The following ZDHHC2 variants were observed in gnomAD, a reference collection of about 807,000 sequenced individuals.
ZDHHC2 encodes the protein palmitoyltransferase ZDHHC2.
A neutral mutation model predicts 55.6 loss-of-function variants in ZDHHC2; 51 were observed. The ratio of observed to expected loss-of-function variants is 0.92; its 90% CI spans 0.73 to 1.16. The LOEUF (loss-of-function observed/expected upper bound fraction) is 1.16, where lower values mean the gene tolerates loss of function less well. Among genes scored for constraint, ZDHHC2 ranks in the 50% most tolerant of loss-of-function variants. The pLI is 0.00. For missense variants in ZDHHC2, 491 were observed against 442.4 expected (o/e 1.11, Z -0.99); for synonymous variants, 199 against 152.9 (o/e 1.30, Z -2.22).
chr8:17,177,097 G>T (rs1805176431), intron 1 of ZDHHC2, among the ~76,000 whole-genome samples: 1 of 152,160 alleles, frequency 6.6e-6, no homozygotes, highest in Non-Finnish European at 1.5e-5. Context: ...GCTTCAAGGG[G>T]TTCCCCTGGC....
chr8:17,190,349 G>C (rs961631082), intron 3 of ZDHHC2, among the ~76,000 whole-genome samples: 5 of 152,130 alleles, frequency 3.3e-5, no homozygotes, highest in African/African-American at 1.2e-4. Flanking sequence ...AGGGGAACAT[G>C]ATCAAAAGAG....
Position 17,156,657 on chromosome 8 carries a change from G to T in ZDHHC2, c.-67G>T. The T allele has an allele frequency of 8.6e-7, 1 of 1,158,238 alleles. No individual in the cohort carries two copies. Among genetic ancestry groups the T allele is most frequent in the Non-Finnish European group, 1.1e-6 (1 of 942,906 alleles). 71.7% of individuals were successfully genotyped at this position (1,158,238 alleles called of 1,614,324 possible). A position where few individuals can be genotyped will look rare whatever the true frequency, so the allele number is the denominator to read the frequency against. ...CCGTCCAGCCAGGGGTGCCGGGCCC[G>T]CCCAGCCCGCCCCGGAGCCAGGCCC... On this transcript the variant is annotated 5_prime_UTR_variant, in exon 1 of 13. Coordinates refer to ENST00000262096, the MANE Select transcript of ZDHHC2 (RefSeq NM_016353.5).
At chr8:17,206,097 G>A (rs951905939) in intron 7 of ZDHHC2, among the ~76,000 whole-genome samples, 1 of 152,122 alleles carries the variant, frequency 6.6e-6, no homozygotes. Context: ...ATAAACAAGT[G>A]TGCTTTCCAC....
intron 3 of ZDHHC2, among the ~76,000 whole-genome samples, chr8:17,188,014 T>G (rs1805805742): frequency 6.6e-6 from 1 of 152,232 alleles, no homozygotes; most frequent in Non-Finnish European, 1.5e-5. Context: ...TGAGATATTG[T>G]ATTCTTCTCC....
In ZDHHC2 at chr8:17,220,484, ATCT is replaced by A. The variant is rs1807874240; in HGVS notation, c.*267_*269del. On this transcript the variant is annotated 3_prime_UTR_variant, in exon 13 of 13. Transcript: ENST00000262096. ...TGGTTTATTAATCAACGGGGAAAAC[ATCT>A]TCTCCAAAAAACTTGGAATAAATCC... 6.6e-6 allele frequency: 1 copy of A among 152,224 alleles called. No individual in the cohort carries two copies. The highest frequency in any genetic ancestry group is 2.4e-5 in the African/African-American group (1 of 41,474). 9.4% of individuals were successfully genotyped at this position (152,224 alleles called of 1,614,324 possible).
intron 1 of ZDHHC2, among the ~76,000 whole-genome samples, chr8:17,166,104 C>T (rs1403087668): frequency 6.6e-6 from 1 of 152,130 alleles, no homozygotes; most frequent in East Asian, 1.9e-4. Flanking sequence ...CATGAGAATC[C>T]ACTGCAGGGT....
At position 17,206,911 on chromosome 8, in the gene ZDHHC2, A is replaced by G. The variant is rs534712900; in HGVS notation, c.598-1049A>G. Among the ~76,000 whole-genome samples the G allele has an allele frequency of 1.2e-4, 19 of 152,304 alleles. No homozygotes were observed. The East Asian group carries it at 2.1e-3, about 17-fold the overall frequency. On this transcript the variant is annotated intron_variant, in intron 7 of 12. Transcript: ENST00000262096. The stretch of plus-strand genomic sequence containing the variant: ...GTTATTGAATGCCTACTGTGTGCCA[A>G]TTCTATTGCTAAGCATAGAAAGACA...
At chr8:17,187,418 A>G (rs1489566643) in intron 3 of ZDHHC2, among the ~76,000 whole-genome samples, 1 of 152,228 alleles carries the variant, frequency 6.6e-6, no homozygotes, top group Admixed American at 6.5e-5. Context: ...AGTTTAAAAA[A>G]AAAAAGCATC....
In ZDHHC2 at chr8:17,224,413, C is replaced by G. The variant is rs1423193855; in HGVS notation, c.*4192C>G. The G allele has an allele frequency of 6.6e-6, 1 of 151,532 alleles. No individual in the cohort carries two copies. Among genetic ancestry groups the G allele is most frequent in the Non-Finnish European group, 1.5e-5 (1 of 67,640 alleles). 9.4% of individuals were successfully genotyped at this position (151,532 alleles called of 1,614,324 possible). A position where few individuals can be genotyped will look rare whatever the true frequency, so the allele number is the denominator to read the frequency against. On this transcript the variant is annotated 3_prime_UTR_variant, in exon 13 of 13. Transcript: ENST00000262096. ...AACTTTTAATAAGTTATTTTAAGCC[C>G]TGGTTTATGGCTAGTTCCCTTTTGC...
At chr8:17,167,398 C>G (rs987601890) in intron 1 of ZDHHC2, among the ~76,000 whole-genome samples, 1 of 150,428 alleles carries the variant, frequency 6.6e-6, no homozygotes, top group African/African-American at 2.5e-5. Context: ...CTCTGCCTCC[C>G]GAGTTCAAGT....
At chr8:17,189,567 A>G (rs112670939) in intron 3 of ZDHHC2, among the ~76,000 whole-genome samples, 13 of 152,316 alleles carry the variant, frequency 8.5e-5, no homozygotes, top group African/African-American at 3.1e-4. Flanking sequence ...GTTTATTTTT[A>G]TGGCCTTGGC....
intron 1 of ZDHHC2, among the ~76,000 whole-genome samples, chr8:17,171,352 A>C (rs892597784): frequency 7.9e-5 from 12 of 152,174 alleles, no homozygotes; most frequent in African/African-American, 2.9e-4. Context: ...TAAGCTTTGA[A>C]ATGAGGACAC....
intron 6 of ZDHHC2, among the ~76,000 whole-genome samples, chr8:17,199,552 C>CGTCTTCGTCTTCGTCTTCTTCGTCTTT (rs1806573173): frequency 1.1e-4 from 11 of 101,444 alleles, no homozygotes; most frequent in African/African-American, 1.8e-4. Flanking sequence ...CTTCTGTCTT[C>CGTCTTCGTCTTCGTCTTCTTCGTCTTT]GTCTTCGTCT....
At chr8:17,199,509 T>TTCTTCTTCTTCTTCTTCTTCG (rs1297662337) in intron 6 of ZDHHC2, among the ~76,000 whole-genome samples, 39 of 121,188 alleles carry the variant, frequency 3.2e-4, no homozygotes, top group Admixed American at 1.1e-3. Flanking sequence ...CTTCTTCTTC[T>TTCTTCTTCTTCTTCTTCTTCG]TCTTCGTCTT....
At chr8:17,184,875 C>T in intron 2 of ZDHHC2, 60 bp downstream of exon 2, 2 of 1,403,494 alleles carry the variant, frequency 1.4e-6, no homozygotes, top group Non-Finnish European at 1.9e-6. Context: ...AAATTGTATT[C>T]ACTTAGATTT....
chr8:17,175,465 C>G (rs1434188662), intron 1 of ZDHHC2, among the ~76,000 whole-genome samples: 2 of 152,194 alleles, frequency 1.3e-5, no homozygotes, highest in African/African-American at 4.8e-5. Context: ...TAATTATTCA[C>G]TATGCACTTC....
chr8:17,212,799 CTT>C (rs200518007), intron 10 of ZDHHC2, among the ~76,000 whole-genome samples: 361 of 149,358 alleles, frequency 2.4e-3, no homozygotes, highest in Non-Finnish European at 4.1e-3. Flanking sequence ...GACAGTCATT[CTT>C]TTTTTTTTCT....
chr8:17,163,311 C>G (rs1033398896), intron 1 of ZDHHC2, among the ~76,000 whole-genome samples: 2 of 152,200 alleles, frequency 1.3e-5, no homozygotes, highest in East Asian at 3.9e-4. Flanking sequence ...TGGGCAGTGT[C>G]CAGCTGGCAG....
intron 10 of ZDHHC2, among the ~76,000 whole-genome samples, chr8:17,212,218 C>T (rs900659380): frequency 6.6e-6 from 1 of 152,234 alleles, no homozygotes; most frequent in African/African-American, 2.4e-5. Flanking sequence ...ATAAAATTTT[C>T]GTGGCAAGTT....
Sources: allele counts gnomAD v4.1 joint callset (sites outside exome capture counted in the v4.1 genomes callset), GRCh38; gene constraint gnomAD v4.1.1; transcripts MANE v1.5; gene names NCBI Gene and HGNC (gene_info 2026-07-23, HGNC 2026-07-21).